The following CHST11 variants were observed in gnomAD, a reference collection of about 807,000 sequenced individuals.
The protein encoded by CHST11 is C4S-1.
In CHST11, 9 loss-of-function variants were observed where a neutral mutation model predicts 30.4. That is an observed-to-expected ratio of 0.30 (90% confidence interval 0.18 to 0.52). The LOEUF is 0.52. CHST11 is among the 20% of genes least tolerant of loss of function. CHST11 has a pLI of 0.97. For synonymous variants in CHST11, 152 were observed against 187.8 expected (o/e 0.81, Z 1.56); for missense variants, 348 against 460.6 (o/e 0.76, Z 2.24).
intron 1 of CHST11, among the ~76,000 whole-genome samples, chr12:104,566,467 C>T (rs2136020304): frequency 6.6e-6 from 1 of 152,244 alleles, no homozygotes; most frequent in South Asian, 2.1e-4. Context: ...TGAACAAAAA[C>T]GCTTGGTTTC....
chr12:104,460,858 A>G (rs1240899860), intron 1 of CHST11, among the ~76,000 whole-genome samples: 1 of 152,172 alleles, frequency 6.6e-6, no homozygotes, highest in Non-Finnish European at 1.5e-5. Flanking sequence ...TACATTTAGA[A>G]GTTTTTGATA....
intron 1 of CHST11, among the ~76,000 whole-genome samples, chr12:104,561,607 C>T (rs191952344): frequency 1.2e-4 from 19 of 152,254 alleles, no homozygotes; most frequent in Admixed American, 4.6e-4. Context: ...AGGGCTCACC[C>T]ACAGCTTGAA....
At chr12:104,748,596 G>A (rs530711071) in intron 2 of CHST11, among the ~76,000 whole-genome samples, 1 of 151,980 alleles carries the variant, frequency 6.6e-6, no homozygotes, top group Non-Finnish European at 1.5e-5. Flanking sequence ...AGTGGAGTCG[G>A]GGGAGAGATG....
chr12:104,625,344 G>A (rs1014015319), intron 2 of CHST11, among the ~76,000 whole-genome samples: 6 of 151,970 alleles, frequency 3.9e-5, no homozygotes, highest in Middle Eastern at 3.2e-3. Context: ...CGCTCTTGTC[G>A]CCCAGGCTGG....
At chr12:104,543,356 G>C (rs2038304151) in intron 1 of CHST11, among the ~76,000 whole-genome samples, 1 of 152,278 alleles carries the variant, frequency 6.6e-6, no homozygotes, top group Non-Finnish European at 1.5e-5. Flanking sequence ...AGATTTGGAG[G>C]GGACAAACCA....
At chr12:104,652,327 A>T (rs2039497979) in intron 2 of CHST11, among the ~76,000 whole-genome samples, 1 of 152,216 alleles carries the variant, frequency 6.6e-6, no homozygotes, top group Admixed American at 6.5e-5. Flanking sequence ...TAATTACACA[A>T]AGGAAAGCAG....
At chr12:104,712,119 G>GCCC (rs1190148189) in intron 2 of CHST11, among the ~76,000 whole-genome samples, 1 of 152,172 alleles carries the variant, frequency 6.6e-6, no homozygotes, top group Non-Finnish European at 1.5e-5. Context: ...CTTATCAAGT[G>GCCC]TTCACCATGC....
At chr12:104,624,806 C>T (rs1337593081) in intron 2 of CHST11, among the ~76,000 whole-genome samples, 1 of 152,152 alleles carries the variant, frequency 6.6e-6, no homozygotes, top group Non-Finnish European at 1.5e-5. Context: ...GGCTGGAAAC[C>T]CAAGATCCAG....
intron 1 of CHST11, among the ~76,000 whole-genome samples, chr12:104,557,143 A>G (rs1261074659): frequency 6.6e-6 from 1 of 152,218 alleles, no homozygotes; most frequent in African/African-American, 2.4e-5. Flanking sequence ...CTGGTTGGTT[A>G]GGACCTGGAC....
chr12:104,583,956 G>A lies in CHST11; in HGVS notation c.119-17950G>A, dbSNP rs143451581. On this transcript the variant is annotated intron_variant, in intron 1 of 2. Transcript: ENST00000303694. ...CCAAACTCCCGACCTCAAGTGATCC[G>A]CCCTCCTCGGCCTCCCAAAGTGCTG... 8.7e-4 allele frequency among the ~76,000 whole-genome samples: 132 copies of A among 152,224 alleles called. 2 individuals are homozygous for A. The East Asian group carries it at 0.018, about 21-fold the overall frequency.
rs568895063 is a variant in CHST11 at position 104,665,275 on chromosome 12, A to G, written c.204+63284A>G. Among the ~76,000 whole-genome samples, 5 of 152,362 alleles carry G rather than the reference A, an allele frequency of 3.3e-5. No homozygotes were observed. The East Asian group carries it at 9.6e-4, about 29-fold the overall frequency. On this transcript the variant is annotated intron_variant, in intron 2 of 2. Coordinates refer to ENST00000303694, the MANE Select transcript of CHST11 (RefSeq NM_018413.6). ...CTTATTTTTACATCTATAAAAGGCC[A>G]GCATACTAATAGCACTCATCTCAGG...
intron 1 of CHST11, among the ~76,000 whole-genome samples, chr12:104,563,204 C>T (rs1462793144): frequency 2.6e-5 from 4 of 152,156 alleles, no homozygotes; most frequent in Admixed American, 6.5e-5. Flanking sequence ...CCAAGCCTGA[C>T]TAATTTTTGT....
At position 104,761,168 on chromosome 12, in the gene CHST11, A is replaced by G. The variant is rs2040521644; in HGVS notation, c.*3365A>G. ...AAGAGGTGGTCTGCTGACCTGTGGT[A>G]TCTCAGAGGGGACGTTCCTCCTCCT... is the stretch of plus-strand genomic sequence containing the variant. On this transcript the variant is annotated 3_prime_UTR_variant, in exon 3 of 3. Coordinates refer to ENST00000303694, the MANE Select transcript of CHST11 (RefSeq NM_018413.6). 6.6e-6 allele frequency: 1 copy of G among 152,194 alleles called. No individual in the cohort carries two copies. Among genetic ancestry groups the G allele is most frequent in the Admixed American group, 6.5e-5 (1 of 15,278 alleles). The allele number at this position is 152,194 out of a possible 1,614,324, so 9.4% of individuals were successfully genotyped here. A position where few individuals can be genotyped will look rare whatever the true frequency, so the allele number is the denominator to read the frequency against.
chr12:104,723,279 A>C (rs1207359904), intron 2 of CHST11, among the ~76,000 whole-genome samples: 1 of 152,192 alleles, frequency 6.6e-6, no homozygotes, highest in African/African-American at 2.4e-5. Flanking sequence ...AAAATCGCTG[A>C]TGAGAAAACA....
At chr12:104,711,176 C>T (rs968943008) in intron 2 of CHST11, among the ~76,000 whole-genome samples, 25 of 152,188 alleles carry the variant, frequency 1.6e-4, no homozygotes. Flanking sequence ...ACACAGAGCA[C>T]ATTTCCTGAG....
intron 2 of CHST11, among the ~76,000 whole-genome samples, chr12:104,661,535 C>T (rs1010668450): frequency 2.6e-5 from 4 of 152,072 alleles, no homozygotes; most frequent in East Asian, 1.9e-4. Flanking sequence ...GCTATGATGG[C>T]GCTGCTGAAC....
intron 1 of CHST11, among the ~76,000 whole-genome samples, chr12:104,576,455 C>T (rs1042345497): frequency 2.6e-5 from 4 of 152,090 alleles, no homozygotes; most frequent in African/African-American, 7.2e-5. Context: ...TCCGGGTGAC[C>T]GTCCACTAGA....
intron 2 of CHST11, among the ~76,000 whole-genome samples, chr12:104,681,620 C>T (rs1373945358): frequency 6.6e-6 from 1 of 152,040 alleles, no homozygotes; most frequent in Non-Finnish European, 1.5e-5. Context: ...TCATTACTTT[C>T]AGAAATAATA....
In CHST11 at chr12:104,457,802, T is replaced by TC. The variant is rs1266794733; in HGVS notation, c.118+273_118+274insC. Among the ~76,000 whole-genome samples the TC allele has an allele frequency of 3.8e-3, 531 of 139,470 alleles. 2 individuals are homozygous for TC. Among genetic ancestry groups the TC allele is most frequent in the Middle Eastern group, 0.011 (3 of 272 alleles). The allele number at this position is 139,470 out of a possible 152,430, so 91.5% of individuals were successfully genotyped here. A position where few individuals can be genotyped will look rare whatever the true frequency, so the allele number is the denominator to read the frequency against. On this transcript the variant is annotated intron_variant, in intron 1 of 2. Transcript: ENST00000303694. ...GGGCGGTAGTTTTTTTTTTTTTTTTTTTCTTCTTCTTTTTTTCTTTGTGTC... is the reference window on the plus strand; with the variant it reads ...GGGCGGTAGTTTTTTTTTTTTTTTTTCTTCTTCTTCTTTTTTTCTTTGTGTC...
Sources: allele counts gnomAD v4.1 joint callset (sites outside exome capture counted in the v4.1 genomes callset), GRCh38; gene constraint gnomAD v4.1.1; transcripts MANE v1.5; gene names NCBI Gene and HGNC (gene_info 2026-07-23, HGNC 2026-07-21).